The following FAM3D variants were observed in gnomAD, a reference collection of about 807,000 sequenced individuals.
FAM3D encodes the protein FAM3 metabolism regulating signaling molecule D.
Under a neutral mutation model 29.8 loss-of-function variants are expected in FAM3D, and 26 were observed. The ratio of observed to expected loss-of-function variants is 0.87; its 90% CI spans 0.64 to 1.21. FAM3D has a LOEUF of 1.21. Ranked by LOEUF, FAM3D falls within the 50% of genes most tolerant of loss-of-function variation. The pLI is 0.00. For synonymous variants in FAM3D, 115 were observed against 102.3 expected (o/e 1.12, Z -0.75); for missense variants, 253 against 290.9 (o/e 0.87, Z 0.95).
At chr3:58,659,445 CAGAG>C (rs1233505244) in intron 1 of FAM3D, among the ~76,000 whole-genome samples, 1 of 152,200 alleles carries the variant, frequency 6.6e-6, no homozygotes, top group Non-Finnish European at 1.5e-5. Context: ...CCAAGATGGA[CAGAG>C]AAAGAGATGC....
chr3:58,645,822 C>T (rs761515493), intron 4 of FAM3D, among the ~76,000 whole-genome samples, 196 bp from the exon 5 acceptor site: 1 of 152,228 alleles, frequency 6.6e-6, no homozygotes, highest in Non-Finnish European at 1.5e-5. Flanking sequence ...ACAGCCCCCA[C>T]CAGAGCACAC....
chr3:58,665,872 T>C (rs961715549), intron 1 of FAM3D, among the ~76,000 whole-genome samples: 5 of 152,238 alleles, frequency 3.3e-5, no homozygotes, highest in Admixed American at 3.3e-4. Flanking sequence ...GTGATGATTA[T>C]CATAGTTGCG....
intron 1 of FAM3D, among the ~76,000 whole-genome samples, chr3:58,665,383 C>T (rs1446068713): frequency 6.6e-6 from 1 of 152,092 alleles, no homozygotes; most frequent in Non-Finnish European, 1.5e-5. Flanking sequence ...CTTTTCCTCC[C>T]CTGCCCTTCA....
chr3:58,643,226 G>A (rs2066383384), intron 6 of FAM3D, among the ~76,000 whole-genome samples: 1 of 152,232 alleles, frequency 6.6e-6, no homozygotes, highest in Non-Finnish European at 1.5e-5. Flanking sequence ...TCTAGTTCTT[G>A]GCTGACCCCC....
At chr3:58,639,118 A>G (rs1432548870) in intron 7 of FAM3D, among the ~76,000 whole-genome samples, 1 of 152,134 alleles carries the variant, frequency 6.6e-6, no homozygotes, top group Non-Finnish European at 1.5e-5. Flanking sequence ...GCTTAGTTTC[A>G]TCTTTACGCT....
At chr3:58,650,645 A>G (rs1338805020) in intron 3 of FAM3D, among the ~76,000 whole-genome samples, 1 of 152,186 alleles carries the variant, frequency 6.6e-6, no homozygotes, top group Non-Finnish European at 1.5e-5. Flanking sequence ...CAAGATGCCC[A>G]TAGTGGACGA....
intron 1 of FAM3D, among the ~76,000 whole-genome samples, chr3:58,659,763 T>A (rs149554864): frequency 7.3e-4 from 111 of 152,328 alleles, no homozygotes; most frequent in Non-Finnish European, 1.3e-3. Flanking sequence ...GGTAAAAAGC[T>A]AGGAGCTGCT....
At chr3:58,652,032 G>C (rs2066651387) in intron 3 of FAM3D, among the ~76,000 whole-genome samples, 1 of 152,178 alleles carries the variant, frequency 6.6e-6, no homozygotes, top group South Asian at 2.1e-4. Flanking sequence ...TCAGGTCACT[G>C]ATGTTTGTGA....
At chr3:58,645,426 C>A in intron 5 of FAM3D, 83 bp downstream of exon 5, 1 of 1,141,558 alleles carries the variant, frequency 8.8e-7, no homozygotes, top group South Asian at 2.0e-5. Flanking sequence ...AGGCCAGCCC[C>A]TGCAGCCTCT....
Position 58,635,274 on chromosome 3 carries a change from A to G in FAM3D, c.586-906T>C, listed in dbSNP as rs905404575. 6.6e-6 allele frequency among the ~76,000 whole-genome samples: 1 copy of G among 152,242 alleles called. No homozygotes were observed. Among genetic ancestry groups the G allele is most frequent in the Non-Finnish European group, 1.5e-5 (1 of 68,046 alleles). ...TTTGGATTATGAAAGAAAAAAACGT[A>G]AATGGCAAAATCTGCTGTTGGAATC... On this transcript the variant is annotated intron_variant, in intron 9 of 9. Coordinates refer to ENST00000358781, the MANE Select transcript of FAM3D (RefSeq NM_138805.3). This position sits in a 1 kb window ranked among gnomAD's most constrained non-coding sequence, Gnocchi z 5.2.
intron 6 of FAM3D, among the ~76,000 whole-genome samples, chr3:58,641,545 G>A (rs2066335444): frequency 6.6e-6 from 1 of 151,960 alleles, no homozygotes; most frequent in South Asian, 2.1e-4. Context: ...TGTAGAGACG[G>A]GGCGGATTCG....
intron 2 of FAM3D, 144 bp downstream of exon 2, chr3:58,655,407 A>T: frequency 4.9e-6 from 5 of 1,019,764 alleles, no homozygotes; most frequent in Non-Finnish European, 7.0e-6. Flanking sequence ...CGCCTCTTCT[A>T]CTCTTCCAGC....
At position 58,634,250 on chromosome 3, in the gene FAM3D, C is replaced by T. The variant is rs755591292; in HGVS notation, c.*29G>A. ...TAAGTCAGGCAGGAGCTTCTTCAGG[C>T]CCCTGGCTGAGGAAGAGCCACAGCC... is the stretch of plus-strand genomic sequence containing the variant. On this transcript the variant is annotated 3_prime_UTR_variant, in exon 10 of 10. Coordinates refer to ENST00000358781, the MANE Select transcript of FAM3D (RefSeq NM_138805.3). The surrounding 1 kb of genome is among the most constrained non-coding windows in gnomAD (Gnocchi z 4.6). 3.7e-6 allele frequency: 6 copies of T among 1,606,182 alleles called. No homozygotes were observed. The highest frequency in any genetic ancestry group is 5.1e-6 in the Non-Finnish European group (6 of 1,175,208).
chr3:58,655,944 T>A lies in FAM3D; in HGVS notation c.-38-343A>T, dbSNP rs141803101. Among the ~76,000 whole-genome samples, 3 of 152,306 alleles carry A rather than the reference T, an allele frequency of 2.0e-5. No individual in the cohort carries two copies. In the East Asian group the frequency reaches 5.8e-4, roughly 29 times the overall value. On this transcript the variant is annotated intron_variant, in intron 1 of 9. Coordinates refer to ENST00000358781, the MANE Select transcript of FAM3D (RefSeq NM_138805.3). The stretch of plus-strand genomic sequence containing the variant: ...ATTTGTTCATCCATCTCTTCACCCA[T>A]CCATTCATCAACCCATCAGTTGATT...
At position 58,655,573 on chromosome 3, in the gene FAM3D, G is replaced by A. The variant is rs759433269; in HGVS notation, c.-10C>T. On this transcript the variant is annotated 5_prime_UTR_variant, in exon 2 of 10. Coordinates refer to ENST00000358781, the MANE Select transcript of FAM3D (RefSeq NM_138805.3). The stretch of plus-strand genomic sequence containing the variant: ...TACCTGACACTCTCATCCTGTCCAG[G>A]TGAAGGGTGGCTTGGGGTCAGCTTC... The A allele has an allele frequency of 1.4e-5, 23 of 1,613,098 alleles. No individual in the cohort carries two copies. Among genetic ancestry groups the A allele is most frequent in the Non-Finnish European group, 1.9e-5 (23 of 1,179,550 alleles).
At chr3:58,657,030 C>T (rs1478349088) in intron 1 of FAM3D, among the ~76,000 whole-genome samples, 1 of 152,204 alleles carries the variant, frequency 6.6e-6, no homozygotes, top group Admixed American at 6.5e-5. Flanking sequence ...ACCAAGCTGT[C>T]ACCTGGCTCT....
intron 4 of FAM3D, among the ~76,000 whole-genome samples, chr3:58,647,245 G>A (rs540797324): frequency 4.8e-4 from 73 of 152,366 alleles, no homozygotes; most frequent in East Asian, 1.9e-3. Context: ...AGAGGCATCC[G>A]TGAAGGGCTG....
At position 58,655,566 on chromosome 3, in the gene FAM3D, T is replaced by A; in HGVS notation, c.-3A>T. On this transcript the variant is annotated 5_prime_UTR_variant, in exon 2 of 10. Coordinates refer to ENST00000358781, the MANE Select transcript of FAM3D (RefSeq NM_138805.3). ...CAGAGCCTACCTGACACTCTCATCC[T>A]GTCCAGGTGAAGGGTGGCTTGGGGT... is the stretch of plus-strand genomic sequence containing the variant. The A allele has an allele frequency of 2.5e-6, 4 of 1,613,438 alleles. No individual in the cohort carries two copies. Among genetic ancestry groups the A allele is most frequent in the Non-Finnish European group, 3.4e-6 (4 of 1,179,648 alleles).
chr3:58,662,081 A>G (rs1481241472), intron 1 of FAM3D, among the ~76,000 whole-genome samples: 2 of 152,146 alleles, frequency 1.3e-5, no homozygotes, highest in Non-Finnish European at 2.9e-5. Context: ...GTGCCCCAGA[A>G]TTTCTCTTTG....
Sources: gnomAD v4.1 joint callset for allele counts (sites outside exome capture counted in the v4.1 genomes callset) on GRCh38, gnomAD v4.1.1 for gene constraint, Gnocchi (gnomAD v3.1) non-coding constraint, MANE v1.5 for transcripts, NCBI Gene and HGNC (gene_info 2026-07-23, HGNC 2026-07-21) for gene names.